The following ZNF317 variants were observed in gnomAD, a reference collection of about 807,000 sequenced individuals.
The protein encoded by ZNF317 is zinc finger protein 317.
ZNF317 carries 17 observed loss-of-function variants against 23.4 expected under a neutral mutation model. The observed-to-expected ratio is 0.73, with a 90% CI of 0.50 to 1.09. ZNF317 has a LOEUF of 1.09. Ranked by LOEUF, ZNF317 falls within the 50% of genes least tolerant of loss-of-function variation. ZNF317 has a pLI of 0.00. For synonymous variants in ZNF317, 317 were observed against 314.9 expected (o/e 1.01, Z -0.07); for missense variants, 679 against 796.7 (o/e 0.85, Z 1.78).
intron 3 of ZNF317, 69 bp from the exon 4 acceptor site, chr19:9,157,199 C>T (rs1161601340): frequency 6.3e-7 from 1 of 1,582,098 alleles, no homozygotes; most frequent in Non-Finnish European, 8.6e-7. Flanking sequence ...GGTCTTCAAC[C>T]TCAGCCATCT....
chr19:9,159,552 G>T (rs10445633), intron 6 of ZNF317, among the ~76,000 whole-genome samples: 9,316 of 134,246 alleles, frequency 0.069, 319 homozygotes, highest in Middle Eastern at 0.13. Flanking sequence ...TTTGTTTTTT[G>T]TTTTTTTTTT....
rs1252167316 is a variant in ZNF317 at position 9,157,335 on chromosome 19, C to G, written c.230C>G (p.Ser77Cys). Residue 77 changes from serine (S) to cysteine (C), a missense_variant, in exon 4 of 7, where the codon TCT (serine) becomes TGT (cysteine). Coordinates refer to ENST00000247956, the MANE Select transcript of ZNF317 (RefSeq NM_020933.5). The part of the protein sequence containing the change: ...TEKEWPLLDS[S>C]QRKLYKDVML... ...AAGGAGTGGCCCTTGCTGGATTCTT[C>G]TCAGAGAAAACTGTACAAAGATGTA... 6 of 1,613,922 alleles carry G rather than the reference C, an allele frequency of 3.7e-6. No homozygotes were observed. The Admixed American group carries it at 1.0e-4, about 27-fold the overall frequency.
At position 9,161,632 on chromosome 19, in the gene ZNF317, A is replaced by G. The variant is rs1450363195; in HGVS notation, c.*199A>G. ...TTTGTGAGAACTCACGCCGGGGGTG[A>G]AAATGTACGTCTGTAGCATGGAGAA... On this transcript the variant is annotated 3_prime_UTR_variant, in exon 7 of 7. Transcript: ENST00000247956. This position sits in a 1 kb window ranked among gnomAD's most constrained non-coding sequence, Gnocchi z 4.0. 3 of 681,624 alleles carry G rather than the reference A, an allele frequency of 4.4e-6. No homozygotes were observed. Among genetic ancestry groups the G allele is most frequent in the Non-Finnish European group, 4.7e-6 (2 of 421,204 alleles). 42.2% of individuals were successfully genotyped at this position (681,624 alleles called of 1,614,324 possible). A position where few individuals can be genotyped will look rare whatever the true frequency, so the allele number is the denominator to read the frequency against.
chr19:9,152,880 T>C (rs938459046), intron 1 of ZNF317, among the ~76,000 whole-genome samples: 2 of 152,178 alleles, frequency 1.3e-5, no homozygotes, highest in African/African-American at 4.8e-5. Flanking sequence ...TCTAATGTGT[T>C]GGTGCATAAT....
chr19:9,153,628 G>C (rs1402389321), intron 1 of ZNF317, among the ~76,000 whole-genome samples: 1 of 152,230 alleles, frequency 6.6e-6, no homozygotes, highest in Non-Finnish European at 1.5e-5. Flanking sequence ...AATGGGTAAA[G>C]AATGGCTCTT....
chr19:9,148,045 G>A (rs557191375), intron 1 of ZNF317, among the ~76,000 whole-genome samples: 3 of 152,064 alleles, frequency 2.0e-5, no homozygotes, highest in Non-Finnish European at 2.9e-5. Flanking sequence ...TCTTGCTCCT[G>A]CTTCACCATA....
chr19:9,159,545 G>GTTTTTTT (rs374750547), intron 6 of ZNF317, among the ~76,000 whole-genome samples: 8 of 146,820 alleles, frequency 5.4e-5, no homozygotes, highest in South Asian at 2.2e-4. Flanking sequence ...TGTTGTTTTT[G>GTTTTTTT]TTTTTTGTTT....
intron 5 of ZNF317, among the ~76,000 whole-genome samples, chr19:9,158,278 G>T (rs2050807779): frequency 6.8e-6 from 1 of 146,252 alleles, no homozygotes; most frequent in Non-Finnish European, 1.5e-5. Context: ...TGGGCTCTTT[G>T]TCCCATTCTT....
In ZNF317 at chr19:9,156,595, C is replaced by G. The variant is rs1002266388; in HGVS notation, c.26-17C>G. ...AGGGCAGGCTCTGATTCTCATGAAC[C>G]CTGTTTTCTCCTCCAGCCACGTCCA... On this transcript the variant is annotated splice_polypyrimidine_tract_variant and intron_variant, in intron 2 of 6. Transcript: ENST00000247956. 42 of 1,611,278 alleles carry G rather than the reference C, an allele frequency of 2.6e-5. No homozygotes were observed. The highest frequency in any genetic ancestry group is 1.1e-4 in the African/African-American group (8 of 74,826).
rs976588479 is a variant in ZNF317 at position 9,156,672 on chromosome 19, A to G, written c.86A>G (p.Asp29Gly). The G allele has an allele frequency of 6.2e-7, 1 of 1,614,094 alleles. No individual in the cohort carries two copies. The highest frequency in any genetic ancestry group is 8.5e-7 in the Non-Finnish European group (1 of 1,180,006). Residue 29 changes from aspartate to glycine, a missense_variant, in exon 3 of 7, where the codon GAC (aspartate) becomes GGC (glycine). Coordinates refer to ENST00000247956, the MANE Select transcript of ZNF317 (RefSeq NM_020933.5). ...QDSEFPVSSK[D>G]HSCPQNLDLF... ...TCAGAATTTCCTGTTTCTTCAAAAG[A>G]CCATTCCTGTCCCCAGAATTTGGAC...
chr19:9,157,989 TC>T lies in ZNF317; in HGVS notation c.300del (p.Gly101AlafsTer54). 1 of 1,551,364 alleles carries T rather than the reference TC, an allele frequency of 6.4e-7. No homozygotes were observed. The highest frequency in any genetic ancestry group is 8.7e-7 in the Non-Finnish European group (1 of 1,146,852). ...TTTCCCGTGAGTGTAGGGTATCAGG[TC>T]GGCAAACCCAGCCTCATCTCACACT... ...YSNLTSLGYQ[V>X]GKPSLISHLE... On this transcript the variant is annotated frameshift_variant, in exon 5 of 7. Transcript: ENST00000247956. LOFTEE classifies it high-confidence loss of function.
In ZNF317 at chr19:9,156,735, G is replaced by A. The variant is rs1017933849; in HGVS notation, c.149G>A (p.Ser50Asn). ...AGTGGTCTGGAGCCTCACACACCCA[G>A]TGTTGGTTCCCAGGTGCACTAAGAT... Reference protein sequence around the residue: ...VCSGLEPHTPSVGSQESVTFQ... With the variant: ...VCSGLEPHTPNVGSQESVTFQ... The change falls in exon 3 of 7, where the codon AGT becomes AAT. Residue 50 changes from serine to asparagine, a missense_variant. Ser to Asn is a conservative substitution (Grantham distance 46). Coordinates refer to ENST00000247956, the MANE Select transcript of ZNF317 (RefSeq NM_020933.5). The A allele has an allele frequency of 1.2e-6, 2 of 1,614,004 alleles. No individual in the cohort carries two copies. The highest frequency in any genetic ancestry group is 2.7e-5 in the African/African-American group (2 of 75,036).
In ZNF317 at chr19:9,157,348, G is replaced by A. The variant is rs758511814; in HGVS notation, c.243G>A (p.Leu81=). 7.4e-6 allele frequency: 12 copies of A among 1,613,938 alleles called. No individual in the cohort carries two copies. In the African/African-American group the frequency reaches 9.3e-5, roughly 13 times the overall value. The part of the protein sequence containing the change: ...WPLLDSSQRK[L]YKDVMLENYS... ...TGCTGGATTCTTCTCAGAGAAAACT[G>A]TACAAAGATGTAATGCTGGAGAACT... is the stretch of plus-strand genomic sequence containing the variant. Residue 81 remains leucine (L), a synonymous_variant, in exon 4 of 7, where the codon CTG becomes CTA. Transcript: ENST00000247956.
intron 1 of ZNF317, among the ~76,000 whole-genome samples, chr19:9,153,031 T>A (rs565080870): frequency 4.0e-4 from 61 of 152,384 alleles, no homozygotes; most frequent in African/African-American, 1.4e-3. Flanking sequence ...TTGATCTTTT[T>A]GAAAGAACCA....
intron 1 of ZNF317, among the ~76,000 whole-genome samples, chr19:9,152,007 C>T (rs914622295): frequency 6.0e-5 from 9 of 149,624 alleles, no homozygotes; most frequent in Non-Finnish European, 1.3e-4. Flanking sequence ...CCCAGGTTCA[C>T]ACCATTCTCC....
Position 9,145,040 on chromosome 19 carries a change from A to G in ZNF317, c.-93+4448A>G, listed in dbSNP as rs143825363. Among the ~76,000 whole-genome samples, 362 of 152,100 alleles carry G rather than the reference A, an allele frequency of 2.4e-3. 3 individuals are homozygous for G. Among genetic ancestry groups the G allele is most frequent in the African/African-American group, 8.6e-3 (356 of 41,488 alleles). On this transcript the variant is annotated intron_variant, in intron 1 of 6. Transcript: ENST00000247956. ...ATGATGAGAAGTCAGCTGTCAGTCT[A>G]ATGTTTGTTTGTTTGTTTTCTGAGA...
At chr19:9,153,071 C>G (rs1331643624) in intron 1 of ZNF317, among the ~76,000 whole-genome samples, 2 of 152,130 alleles carry the variant, frequency 1.3e-5, no homozygotes, top group Non-Finnish European at 2.9e-5. Context: ...CTCCTATTCT[C>G]TATTTCATTT....
In ZNF317 at chr19:9,156,615, C is replaced by T. The variant is rs138351715; in HGVS notation, c.29C>T (p.Thr10Met). The part of the protein sequence containing the change: MAALSPTFA[T>M]STQDSTCLQD... ...TGAACCCTGTTTTCTCCTCCAGCCA[C>T]GTCCACCCAGGATTCCACCTGTCTC... Residue 10 changes from threonine to methionine, a missense_variant, in exon 3 of 7, where the codon ACG (threonine) becomes ATG (methionine). Thr to Met is a moderately conservative substitution (Grantham distance 81). Transcript: ENST00000247956. 6.0e-5 allele frequency: 97 copies of T among 1,613,656 alleles called. No homozygotes were observed. Among genetic ancestry groups the T allele is most frequent in the East Asian group, 1.3e-4 (6 of 44,872 alleles).
rs2050795849 is a variant in ZNF317, at chr19:9,157,417, A to C, written c.289+23A>C. The C allele has an allele frequency of 3.1e-6, 5 of 1,613,362 alleles. No individual in the cohort carries two copies. In the East Asian group the frequency reaches 8.9e-5, roughly 29 times the overall value. ...TGGGTAAGGCCAGTGCCATTTCTCC[A>C]CTTATTCATCCATGAATTAGATGTT... On this transcript the variant is annotated intron_variant, in intron 4 of 6. Coordinates refer to ENST00000247956, the MANE Select transcript of ZNF317 (RefSeq NM_020933.5).
Sources: gnomAD v4.1 joint callset for allele counts (sites outside exome capture counted in the v4.1 genomes callset) on GRCh38, gnomAD v4.1.1 for gene constraint, Gnocchi (gnomAD v3.1) non-coding constraint, MANE v1.5 for transcripts, NCBI Gene and HGNC (gene_info 2026-07-23, HGNC 2026-07-21) for gene names.